Variants in OPHN1 observed in about 807,000 individuals in gnomAD.
The protein encoded by OPHN1 is oligophrenin 1.
Under a neutral mutation model 60.7 loss-of-function variants are expected in OPHN1, and 11 were observed. That is an observed-to-expected ratio of 0.18 (90% CI 0.11 to 0.30). The LOEUF (loss-of-function observed/expected upper bound fraction) is 0.30. OPHN1 is among the 10% of genes least tolerant of loss of function. OPHN1 has a pLI of 1.00. For synonymous variants in OPHN1, 226 were observed against 222.6 expected, an observed-to-expected ratio of 1.02 and a Z score of -0.14; for missense variants, 449 against 611.0, an observed-to-expected ratio of 0.73 and a Z score of 2.80.
intron 5 of OPHN1, among the ~76,000 whole-genome samples, chrX:68,271,418 T>C (rs1228122486): frequency 1.9e-5 from 2 of 107,677 alleles, no homozygotes; most frequent in Non-Finnish European, 3.8e-5. Flanking sequence ...GTGCCTGTAG[T>C]CCCAGCAACT....
intron 2 of OPHN1, among the ~76,000 whole-genome samples, chrX:68,427,873 G>A (rs1374888162): frequency 9.1e-6 from 1 of 109,553 alleles, no homozygotes. Flanking sequence ...GCTCACGCCT[G>A]TAATCCCAGC....
At chrX:68,081,433 T>A (rs2076974067) in intron 19 of OPHN1, among the ~76,000 whole-genome samples, 1 of 111,521 alleles carries the variant, frequency 9.0e-6, no homozygotes, top group South Asian at 3.8e-4. Context: ...ACCATCTACC[T>A]CATAGGGTTG....
At chrX:68,177,274 G>C (rs192623494) in intron 15 of OPHN1, among the ~76,000 whole-genome samples, 1 of 110,696 alleles carries the variant, frequency 9.0e-6, no homozygotes, top group East Asian at 2.8e-4. Flanking sequence ...AAAATTAAAA[G>C]AGCTCTGCAT....
intron 21 of OPHN1, among the ~76,000 whole-genome samples, chrX:68,055,205 G>A (rs1602125394): frequency 8.9e-6 from 1 of 111,858 alleles, no homozygotes; most frequent in African/African-American, 3.3e-5. Flanking sequence ...CTGGAGTTTT[G>A]TAGACCTGGC....
chrX:68,270,982 T>G (rs529307066), intron 5 of OPHN1, among the ~76,000 whole-genome samples: 247 of 111,076 alleles, frequency 2.2e-3, no homozygotes, highest in African/African-American at 7.8e-3. Context: ...TAATAACTTT[T>G]GCAAGATTGT....
chrX:68,053,676 C>T lies in OPHN1; in HGVS notation c.2293G>A (p.Ala765Thr), dbSNP rs2076860977. ...QKPEPKPDIVAGNAGEITSSV... is the reference protein window; with the variant it reads ...QKPEPKPDIVTGNAGEITSSV... Reference sequence around the variant, plus strand: ...GATGTGATTTCCCCCGCATTGCCAGCCACAATATCTGGCTTTGGTTCTGGC... The same window carrying T: ...GATGTGATTTCCCCCGCATTGCCAGTCACAATATCTGGCTTTGGTTCTGGC... Residue 765 changes from alanine (A) to threonine (T), a missense_variant, in exon 22 of 25, where the codon GCT becomes ACT. By Grantham distance (58) the Ala-to-Thr change is moderately conservative. Coordinates refer to ENST00000355520, the MANE Select transcript of OPHN1 (RefSeq NM_002547.3). The T allele has an allele frequency of 2.5e-6, 3 of 1,211,619 alleles. No homozygotes were observed. Among genetic ancestry groups the T allele is most frequent in the Non-Finnish European group, 3.4e-6 (3 of 895,462 alleles).
At chrX:68,309,920 G>A (rs1420220650) in intron 2 of OPHN1, among the ~76,000 whole-genome samples, 4 of 111,867 alleles carry the variant, frequency 3.6e-5, no homozygotes, top group East Asian at 5.6e-4. Context: ...GATAAGCTTC[G>A]TTCAGCCACA....
Position 68,357,790 on chromosome X carries a change from A to G in OPHN1, c.155-58694T>C, listed in dbSNP as rs762256921. On this transcript the variant is annotated intron_variant, in intron 2 of 24. Transcript: ENST00000355520. ...CCCAGTAATGGGATTGCTGGGTCAA[A>G]TGGTATTTCTAGTTCTAGATCCCTG... Among the ~76,000 whole-genome samples the G allele has an allele frequency of 2.7e-5, 3 of 111,008 alleles. No homozygotes were observed. The East Asian group carries it at 8.5e-4, about 31-fold the overall frequency.
chrX:68,433,118 C>G (rs2078894421), intron 1 of OPHN1, 50 bp downstream of exon 1: 2 of 915,149 alleles, frequency 2.2e-6, no homozygotes, highest in South Asian at 2.5e-5. Flanking sequence ...ACTGAGCGCG[C>G]GACCCGCTTA....
intron 2 of OPHN1, among the ~76,000 whole-genome samples, chrX:68,421,847 G>A (rs1034742067): frequency 1.8e-5 from 2 of 111,448 alleles, no homozygotes; most frequent in Non-Finnish European, 3.8e-5. Flanking sequence ...TTTGTCACTC[G>A]TTAGTAATGC....
chrX:68,266,553 G>A (rs906825433), intron 5 of OPHN1, among the ~76,000 whole-genome samples: 28 of 111,170 alleles, frequency 2.5e-4, no homozygotes, highest in East Asian at 1.4e-3. Flanking sequence ...AGGAACAACC[G>A]GTACCAGCCA....
chrX:68,214,653 G>A (rs1443744755), intron 6 of OPHN1, among the ~76,000 whole-genome samples: 1 of 111,858 alleles, frequency 8.9e-6, no homozygotes, highest in African/African-American at 3.2e-5. Context: ...AGTCTGAAGA[G>A]AAAAAAGGAG....
At chrX:68,199,294 G>C (rs754050961) in intron 11 of OPHN1, among the ~76,000 whole-genome samples, 24 of 110,211 alleles carry the variant, frequency 2.2e-4, no homozygotes, top group Non-Finnish European at 4.3e-4. Flanking sequence ...TGCAAGCCAG[G>C]AGTTGAAGAC....
At chrX:68,433,775 C>G, upstream of OPHN1, 1 of 297,627 alleles carries the variant, frequency 3.4e-6, no homozygotes, top group South Asian at 2.0e-4. Flanking sequence ...GACACTGCAG[C>G]GGGAAGAGGA....
At chrX:68,173,289 C>T (rs1277252484) in intron 15 of OPHN1, among the ~76,000 whole-genome samples, 1 of 111,243 alleles carries the variant, frequency 9.0e-6, no homozygotes, top group East Asian at 2.8e-4. Flanking sequence ...AAACTGTCTA[C>T]ATTATTTCAC....
intron 2 of OPHN1, among the ~76,000 whole-genome samples, chrX:68,354,346 G>A (rs1303454506): frequency 9.7e-6 from 1 of 103,233 alleles, no homozygotes; most frequent in East Asian, 3.1e-4. Context: ...TCGGGAGACC[G>A]AGACCGAGTT....
intron 19 of OPHN1, among the ~76,000 whole-genome samples, chrX:68,087,855 G>T (rs1238772364): frequency 9.0e-6 from 1 of 111,519 alleles, no homozygotes; most frequent in African/African-American, 3.3e-5. Context: ...GTGGCAAAGG[G>T]TCAAAAGTAA....
intron 15 of OPHN1, among the ~76,000 whole-genome samples, chrX:68,136,992 A>G (rs2077223385): frequency 8.9e-6 from 1 of 112,172 alleles, no homozygotes; most frequent in Non-Finnish European, 1.9e-5. Context: ...AAGATGTTAC[A>G]GTGACTTCTG....
intron 15 of OPHN1, among the ~76,000 whole-genome samples, chrX:68,119,633 GAGAT>G (rs747576572): frequency 8.2e-4 from 92 of 111,806 alleles, no homozygotes; most frequent in Non-Finnish European, 1.4e-3. Context: ...CAGAAGTGAG[GAGAT>G]AGATAGAGAG....
Sources: gnomAD v4.1 joint callset for allele counts (sites outside exome capture counted in the v4.1 genomes callset) on GRCh38, gnomAD v4.1.1 for gene constraint, MANE v1.5 for transcripts, NCBI Gene and HGNC (gene_info 2026-07-23, HGNC 2026-07-21) for gene names.